Variants in SIK2 observed in about 807,000 individuals in gnomAD.
The protein encoded by SIK2 is serine/threonine-protein kinase SIK2.
In SIK2, 29 loss-of-function variants were observed where a neutral mutation model predicts 103.2. The observed-to-expected ratio is 0.28, with a 90% CI of 0.21 to 0.38. The LOEUF is 0.38. Among genes scored for constraint, SIK2 ranks in the 10% least tolerant of loss-of-function variants. The probability of loss-of-function intolerance (pLI) is 1.00; values close to 1 mark genes in which losing one functional copy is unlikely to be tolerated. For synonymous variants in SIK2, 412 were observed against 446.1 expected (o/e 0.92, Z 0.96); for missense variants, 879 against 1,171.0 (o/e 0.75, Z 3.64).
chr11:111,701,330 A>C lies in SIK2; in HGVS notation c.604-122A>C, dbSNP rs754993641. On this transcript the variant is annotated intron_variant, in intron 5 of 14. Coordinates refer to ENST00000304987, the MANE Select transcript of SIK2 (RefSeq NM_015191.3). The surrounding 1 kb of genome is among the most constrained non-coding windows in gnomAD (Gnocchi z 4.2). ...TGGATTTTTTTCAAATTCTGAGAAAATAATAAATCCAGACAGGAATTTTTC... is the reference window on the plus strand; with the variant it reads ...TGGATTTTTTTCAAATTCTGAGAAACTAATAAATCCAGACAGGAATTTTTC... 14 of 1,319,608 alleles carry C rather than the reference A, an allele frequency of 1.1e-5. No homozygotes were observed. The highest frequency in any genetic ancestry group is 1.4e-5 in the Non-Finnish European group (14 of 981,776). 81.7% of individuals were successfully genotyped at this position (1,319,608 alleles called of 1,614,324 possible).
chr11:111,612,942 ATATATT>A (rs1185940297), intron 1 of SIK2, among the ~76,000 whole-genome samples: 1 of 118,158 alleles, frequency 8.5e-6, no homozygotes, highest in African/African-American at 2.8e-5. Flanking sequence ...ATATATATAT[ATATATT>A]TATGATCATA....
chr11:111,628,228 C>T (rs1941986761), intron 3 of SIK2, among the ~76,000 whole-genome samples: 1 of 152,102 alleles, frequency 6.6e-6, no homozygotes, highest in Admixed American at 6.6e-5. Flanking sequence ...AACCAACCTT[C>T]CTTTCTTTCT....
chr11:111,702,058 A>G (rs561545439), intron 6 of SIK2, among the ~76,000 whole-genome samples: 12 of 152,316 alleles, frequency 7.9e-5, no homozygotes, highest in African/African-American at 2.9e-4. Flanking sequence ...CATTTTGGTT[A>G]TCATTCTTAA....
At chr11:111,708,542 AT>A (rs754492401) in intron 8 of SIK2, among the ~76,000 whole-genome samples, 2 of 151,982 alleles carry the variant, frequency 1.3e-5, no homozygotes, top group East Asian at 1.9e-4. Flanking sequence ...AATACGTCAT[AT>A]TTTTTTCTCA....
intron 3 of SIK2, among the ~76,000 whole-genome samples, chr11:111,664,699 C>A (rs540835506): frequency 7.2e-5 from 10 of 139,690 alleles, no homozygotes; most frequent in South Asian, 5.2e-4. Context: ...CCACCCCCCC[C>A]ACACACACAC....
chr11:111,702,278 T>G (rs1370666561), intron 6 of SIK2, among the ~76,000 whole-genome samples: 4 of 152,180 alleles, frequency 2.6e-5, no homozygotes, highest in Admixed American at 6.5e-5. Flanking sequence ...ACGGGTGTTG[T>G]AAGGTTTAAT....
At chr11:111,716,193 A>G (rs1241841741) in intron 9 of SIK2, among the ~76,000 whole-genome samples, 1 of 152,182 alleles carries the variant, frequency 6.6e-6, no homozygotes, top group African/African-American at 2.4e-5. Context: ...GTGAGGGTAG[A>G]CCCTGAAAAT....
intron 4 of SIK2, among the ~76,000 whole-genome samples, chr11:111,690,332 C>T (rs1236015335): frequency 6.6e-6 from 1 of 150,430 alleles, no homozygotes; most frequent in Non-Finnish European, 1.5e-5. Flanking sequence ...ACTCCTGCTA[C>T]ACCTTTACAT....
intron 10 of SIK2, among the ~76,000 whole-genome samples, 186 bp from the exon 11 acceptor site, chr11:111,720,292 C>G (rs1270381421): frequency 3.3e-5 from 5 of 152,138 alleles, no homozygotes; most frequent in African/African-American, 1.2e-4. Context: ...GATGCCACTT[C>G]TGGAGTGTTT....
At chr11:111,716,414 T>C (rs527315066) in intron 9 of SIK2, among the ~76,000 whole-genome samples, 21 of 151,736 alleles carry the variant, frequency 1.4e-4, no homozygotes, top group Non-Finnish European at 2.1e-4. Flanking sequence ...CCAACTCTAC[T>C]AAAAATACAA....
At chr11:111,659,800 G>A (rs913576072) in intron 3 of SIK2, among the ~76,000 whole-genome samples, 4 of 151,902 alleles carry the variant, frequency 2.6e-5, no homozygotes, top group African/African-American at 9.7e-5. Flanking sequence ...ATTCAAATTG[G>A]CTAAGAAATG....
intron 3 of SIK2, among the ~76,000 whole-genome samples, chr11:111,634,452 C>CT (rs373647128): frequency 1.5e-4 from 23 of 149,624 alleles, no homozygotes; most frequent in East Asian, 3.9e-4. Flanking sequence ...AGTTTTAATT[C>CT]TTTTTTTTTT....
chr11:111,724,252 C>G lies in SIK2; in HGVS notation c.*123C>G. 1 of 1,359,226 alleles carries G rather than the reference C, an allele frequency of 7.4e-7. No individual in the cohort carries two copies. Among genetic ancestry groups the G allele is most frequent in the Non-Finnish European group, 9.8e-7 (1 of 1,023,522 alleles). The allele number at this position is 1,359,226 out of a possible 1,614,324, so 84.2% of individuals were successfully genotyped here. A position where few individuals can be genotyped will look rare whatever the true frequency, so the allele number is the denominator to read the frequency against. Reference sequence around the variant, plus strand: ...TCCCTAACGGGGAGAAATCGAGCCACCCAACTGGAATCAGAGGGTCTGGCT... The same window carrying G: ...TCCCTAACGGGGAGAAATCGAGCCAGCCAACTGGAATCAGAGGGTCTGGCT... On this transcript the variant is annotated 3_prime_UTR_variant, in exon 15 of 15. Transcript: ENST00000304987.
chr11:111,667,699 G>A (rs1216695640), intron 3 of SIK2, among the ~76,000 whole-genome samples: 1 of 151,798 alleles, frequency 6.6e-6, no homozygotes, highest in Non-Finnish European at 1.5e-5. Flanking sequence ...CACCATGTTG[G>A]CCAGGCTGGT....
intron 1 of SIK2, among the ~76,000 whole-genome samples, chr11:111,604,164 C>A (rs975481459): frequency 6.6e-6 from 1 of 152,250 alleles, no homozygotes; most frequent in Non-Finnish European, 1.5e-5. Flanking sequence ...ATTGTTAAAT[C>A]TTAATCTGAT....
chr11:111,690,340 C>T (rs1301327825), intron 4 of SIK2, among the ~76,000 whole-genome samples: 1 of 150,380 alleles, frequency 6.6e-6, no homozygotes, highest in Non-Finnish European at 1.5e-5. Context: ...TACACCTTTA[C>T]ATTCCCTTAT....
At position 111,639,529 on chromosome 11, in the gene SIK2, T is replaced by C. The variant is rs1157620594; in HGVS notation, c.316+19127T>C. On this transcript the variant is annotated intron_variant, in intron 3 of 14. Transcript: ENST00000304987. ...TTAAAAGAAGGTTAAATCCGATTCA[T>C]GTTACAACATCATGGCCAGAAGCAT... Among the ~76,000 whole-genome samples, 4 of 152,278 alleles carry C rather than the reference T, an allele frequency of 2.6e-5. No homozygotes were observed. In the East Asian group the frequency reaches 7.7e-4, roughly 29 times the overall value.
At chr11:111,699,275 T>G (rs150381204) in intron 4 of SIK2, among the ~76,000 whole-genome samples, 130 of 152,328 alleles carry the variant, frequency 8.5e-4, no homozygotes, top group African/African-American at 3.0e-3. Context: ...TCCCCAGATG[T>G]ACCCTCTTTT....
In SIK2 at chr11:111,636,568, T is replaced by C. The variant is rs139656333; in HGVS notation, c.316+16166T>C. Among the ~76,000 whole-genome samples, 266 of 152,204 alleles carry C rather than the reference T, an allele frequency of 1.7e-3. 3 individuals are homozygous for C. The highest frequency in any genetic ancestry group is 6.2e-3 in the African/African-American group (257 of 41,536). On this transcript the variant is annotated intron_variant, in intron 3 of 14. Coordinates refer to ENST00000304987, the MANE Select transcript of SIK2 (RefSeq NM_015191.3). ...GTGATGTCAGTGTTTCAAAGACAAA[T>C]AAGGAAGGTAAGATGGATAGGAAGG... is the stretch of plus-strand genomic sequence containing the variant.
Sources: gnomAD v4.1 joint callset for allele counts (sites outside exome capture counted in the v4.1 genomes callset) on GRCh38, gnomAD v4.1.1 for gene constraint, Gnocchi (gnomAD v3.1) non-coding constraint, MANE v1.5 for transcripts, NCBI Gene and HGNC (gene_info 2026-07-23, HGNC 2026-07-21) for gene names.